The following DCAF8L2 variants were observed in gnomAD, a reference collection of about 807,000 sequenced individuals.
DCAF8L2 encodes DDB1 and CUL4 associated factor 8 like 2, also known as DDB1- and CUL4-associated factor 8-like protein 2.
For synonymous variants in DCAF8L2, 200 were observed against 190.9 expected (o/e 1.05, Z -0.39); for missense variants, 430 against 490.7 (o/e 0.88, Z 1.17).
At chrX:27,726,114 T>C (rs1263089357) in intron 4 of DCAF8L2, among the ~76,000 whole-genome samples, 6 of 111,518 alleles carry the variant, frequency 5.4e-5, no homozygotes, top group African/African-American at 1.9e-4. Flanking sequence ...CTGCCACTTA[T>C]TATTCAGGTT....
At chrX:27,574,391 A>T in the DCAF8L2 span, among the ~76,000 whole-genome samples, 8 of 111,744 alleles carry the variant, frequency 7.2e-5, no homozygotes, top group East Asian at 2.3e-3. Flanking sequence ...TGTTTTATAC[A>T]GTTTGCAAAT....
rs1922285569 is a variant in DCAF8L2 at position 27,747,366 on chromosome X, C to T, written c.471C>T (p.Gly157=). ...CTCGGGCGGGTCCACAAGGCAGTGGCGGCAACCATGAGCAGTATTCGTTAG... is the reference window on the plus strand; with the variant it reads ...CTCGGGCGGGTCCACAAGGCAGTGGTGGCAACCATGAGCAGTATTCGTTAG... ...EQPRAGPQGS[G]GNHEQYSLEE... Residue 157 remains glycine (G), a synonymous_variant, in exon 5 of 5, where the codon GGC becomes GGT. Transcript: ENST00000451261. 1.7e-6 allele frequency: 2 copies of T among 1,161,527 alleles called. No individual in the cohort carries two copies. The highest frequency in any genetic ancestry group is 2.3e-6 in the Non-Finnish European group (2 of 871,456).
chrX:27,687,834 A>G (rs1211565011), intron 3 of DCAF8L2, among the ~76,000 whole-genome samples: 2 of 112,068 alleles, frequency 1.8e-5, no homozygotes, highest in Non-Finnish European at 3.8e-5. Flanking sequence ...TCTGAAAAGA[A>G]TAAGAGATCC....
chrX:27,509,438 A>G, the DCAF8L2 span, among the ~76,000 whole-genome samples: 19 of 112,482 alleles, frequency 1.7e-4, no homozygotes, highest in African/African-American at 5.1e-4. Flanking sequence ...TAAATCTGAG[A>G]TATGAGAACA....
chrX:27,597,526 A>G (rs1489439965), intron 1 of DCAF8L2, among the ~76,000 whole-genome samples: 1 of 111,921 alleles, frequency 8.9e-6, no homozygotes. Flanking sequence ...TTACTTAGTA[A>G]TGGAGAGAAG....
At chrX:27,541,433 G>C in the DCAF8L2 span, among the ~76,000 whole-genome samples, 1 of 106,963 alleles carries the variant, frequency 9.3e-6, no homozygotes, top group Non-Finnish European at 1.9e-5. Flanking sequence ...GCAATGGCGC[G>C]ATCTCAGCTC....
the DCAF8L2 span, among the ~76,000 whole-genome samples, chrX:27,552,193 T>A: frequency 8.9e-6 from 1 of 111,838 alleles, no homozygotes; most frequent in African/African-American, 3.2e-5. Flanking sequence ...ATATTCTAAA[T>A]ATTAACTCCT....
In DCAF8L2 at chrX:27,677,886, A is replaced by T. The variant is rs971230784; in HGVS notation, c.-169A>T. The T allele has an allele frequency of 2.7e-5, 3 of 111,983 alleles. No homozygotes were observed. Among genetic ancestry groups the T allele is most frequent in the Non-Finnish European group, 5.6e-5 (3 of 53,153 alleles). The allele number at this position is 111,983 out of a possible 1,213,427, so 9.2% of individuals were successfully genotyped here. ...CATATCACATGTGAACTTTCTGACC[A>T]TACTGTGGAGCGGTGCTAATAAGGA... is the stretch of plus-strand genomic sequence containing the variant. On this transcript the variant is annotated 5_prime_UTR_variant, in exon 3 of 5. Transcript: ENST00000451261.
intron 2 of DCAF8L2, chrX:27,676,999 G>A (rs1268160625): frequency 8.9e-6 from 1 of 111,820 alleles, no homozygotes; most frequent in Non-Finnish European, 1.9e-5. Flanking sequence ...GTAGTTTGTA[G>A]GATTTTCCTT....
chrX:27,583,266 A>G, the DCAF8L2 span, among the ~76,000 whole-genome samples: 2 of 111,604 alleles, frequency 1.8e-5, no homozygotes, highest in African/African-American at 3.3e-5. Flanking sequence ...GTTGGCTACT[A>G]TGTTCTTTCA....
At chrX:27,487,443 T>A in the DCAF8L2 span, among the ~76,000 whole-genome samples, 2 of 109,339 alleles carry the variant, frequency 1.8e-5, no homozygotes, top group African/African-American at 6.7e-5. Context: ...CTCTACACCC[T>A]GCTACATTTT....
chrX:27,499,890 C>A, the DCAF8L2 span, among the ~76,000 whole-genome samples: 17 of 111,378 alleles, frequency 1.5e-4, no homozygotes, highest in African/African-American at 4.9e-4. Context: ...ATATGCTTTG[C>A]AAATGTTTTC....
At chrX:27,567,400 G>A in the DCAF8L2 span, among the ~76,000 whole-genome samples, 1 of 105,887 alleles carries the variant, frequency 9.4e-6, no homozygotes, top group Non-Finnish European at 1.9e-5. Context: ...TATATTTTGG[G>A]TGCTCTGATG....
chrX:27,667,245 A>G (rs1417112393), intron 2 of DCAF8L2, among the ~76,000 whole-genome samples: 1 of 111,420 alleles, frequency 9.0e-6, no homozygotes, highest in Admixed American at 9.6e-5. Context: ...TCTGTGAGTG[A>G]CTGGTTGGTT....
chrX:27,489,223 G>A, the DCAF8L2 span, among the ~76,000 whole-genome samples: 3 of 110,498 alleles, frequency 2.7e-5, no homozygotes, highest in Non-Finnish European at 3.8e-5. Context: ...TCAGCCTCCC[G>A]AGTAGCTGGG....
At chrX:27,622,008 A>AC (rs1472259643) in intron 1 of DCAF8L2, among the ~76,000 whole-genome samples, 77 of 107,934 alleles carry the variant, frequency 7.1e-4, no homozygotes, top group Middle Eastern at 4.8e-3. Flanking sequence ...AACAACAACA[A>AC]AAAAAAAAGA....
intron 2 of DCAF8L2, among the ~76,000 whole-genome samples, chrX:27,656,446 A>T (rs889056258): frequency 1.8e-5 from 2 of 112,069 alleles, no homozygotes; most frequent in African/African-American, 6.5e-5. Context: ...CCACAACAAT[A>T]GCTAATCTAA....
At chrX:27,705,739 C>G (rs1279406084) in intron 3 of DCAF8L2, among the ~76,000 whole-genome samples, 1 of 111,736 alleles carries the variant, frequency 8.9e-6, no homozygotes, top group African/African-American at 3.3e-5. Flanking sequence ...CTGTAGGTTG[C>G]CTGTTTACTC....
chrX:27,623,740 C>T (rs1448218926), intron 1 of DCAF8L2, among the ~76,000 whole-genome samples: 2 of 111,173 alleles, frequency 1.8e-5, no homozygotes, highest in African/African-American at 6.5e-5. Flanking sequence ...CAGCAAGATA[C>T]ACCTCACACA....
Sources: allele counts gnomAD v4.1 joint callset (sites outside exome capture counted in the v4.1 genomes callset), GRCh38; gene constraint gnomAD v4.1.1; transcripts MANE v1.5; gene names NCBI Gene and HGNC (gene_info 2026-07-23, HGNC 2026-07-21).